Variants in MAP3K5 observed in about 807,000 individuals in gnomAD.
MAP3K5 encodes the protein mitogen-activated protein kinase kinase kinase 5, also known as ASK-1.
Under a neutral mutation model 158.7 loss-of-function variants are expected in MAP3K5, and 56 were observed. That is an observed-to-expected ratio of 0.35 (90% confidence interval 0.28 to 0.44). The LOEUF is 0.44. Ranked by LOEUF, MAP3K5 falls within the 20% of genes least tolerant of loss-of-function variation. The pLI is 1.00. For synonymous variants in MAP3K5, 579 were observed against 601.7 expected (o/e 0.96, Z 0.55); for missense variants, 1,294 against 1,674.8 (o/e 0.77, Z 3.97).
At chr6:136,710,243 A>T (rs1175537552) in intron 2 of MAP3K5, among the ~76,000 whole-genome samples, 1 of 152,228 alleles carries the variant, frequency 6.6e-6, no homozygotes, top group African/African-American at 2.4e-5. Flanking sequence ...TAACTGCTCT[A>T]TTTCACATCA....
chr6:136,741,175 AAATAT>A (rs776334514), intron 1 of MAP3K5, among the ~76,000 whole-genome samples: 131 of 152,318 alleles, frequency 8.6e-4, no homozygotes, highest in African/African-American at 2.6e-3. Context: ...CAACCCTCAA[AAATAT>A]AATATATTTA....
chr6:136,619,572 T>C (rs1195176963), intron 15 of MAP3K5, among the ~76,000 whole-genome samples: 2 of 152,180 alleles, frequency 1.3e-5, no homozygotes. Context: ...TTGTTACAAC[T>C]GATGGACCTT....
intron 7 of MAP3K5, among the ~76,000 whole-genome samples, chr6:136,673,000 A>AAAAAAG: frequency 6.6e-6 from 1 of 151,470 alleles, no homozygotes; most frequent in Non-Finnish European, 1.5e-5. Flanking sequence ...AAAAAAAAAA[A>AAAAAAG]AAAAAGAAAA....
Position 136,792,241 on chromosome 6 carries a change from C to T in MAP3K5, c.-84G>A, listed in dbSNP as rs1159090347. 10 of 1,376,518 alleles carry T rather than the reference C, an allele frequency of 7.3e-6. No individual in the cohort carries two copies. The East Asian group carries it at 3.1e-4, about 42-fold the overall frequency. The allele number at this position is 1,376,518 out of a possible 1,614,324, so 85.3% of individuals were successfully genotyped here. A position where few individuals can be genotyped will look rare whatever the true frequency, so the allele number is the denominator to read the frequency against. ...AGCCACAGCTCGGGGCTGCTCCGCG[C>T]CCGCCGGGCTAAGCAGCTGCCATCG... On this transcript the variant is annotated 5_prime_UTR_variant, in exon 1 of 30. Transcript: ENST00000359015. This position sits in a 1 kb window ranked among gnomAD's most constrained non-coding sequence, Gnocchi z 5.7.
chr6:136,597,969 G>A (rs970571589), intron 21 of MAP3K5, among the ~76,000 whole-genome samples: 1 of 152,178 alleles, frequency 6.6e-6, no homozygotes, highest in Admixed American at 6.5e-5. Context: ...ATTGGACAGG[G>A]CAGATAAATG....
At chr6:136,715,127 C>A (rs1781465733) in intron 2 of MAP3K5, among the ~76,000 whole-genome samples, 1 of 152,198 alleles carries the variant, frequency 6.6e-6, no homozygotes, top group African/African-American at 2.4e-5. Flanking sequence ...TCACCACTAA[C>A]TGATGTGCCT....
intron 21 of MAP3K5, among the ~76,000 whole-genome samples, chr6:136,597,768 A>G (rs1372773054): frequency 6.6e-6 from 1 of 152,250 alleles, no homozygotes; most frequent in Non-Finnish European, 1.5e-5. Flanking sequence ...AATGTTATGG[A>G]ATAAATCTTA....
intron 21 of MAP3K5, among the ~76,000 whole-genome samples, chr6:136,594,959 C>T (rs1023269651): frequency 2.0e-5 from 3 of 152,110 alleles, no homozygotes; most frequent in Admixed American, 6.5e-5. Flanking sequence ...TTTAACGTTG[C>T]TGTGACTACC....
chr6:136,575,304 G>T (rs1423669715), intron 25 of MAP3K5, among the ~76,000 whole-genome samples: 4 of 151,698 alleles, frequency 2.6e-5, no homozygotes, highest in Non-Finnish European at 5.9e-5. Context: ...CAGGACCACA[G>T]GCACATGCTG....
chr6:136,764,402 T>C (rs1351002436), intron 1 of MAP3K5, among the ~76,000 whole-genome samples: 3 of 152,158 alleles, frequency 2.0e-5, no homozygotes, highest in Non-Finnish European at 4.4e-5. Context: ...AGAACACAGA[T>C]ACCATGAGAG....
chr6:136,590,881 G>A (rs982764888), intron 23 of MAP3K5, among the ~76,000 whole-genome samples: 3 of 152,124 alleles, frequency 2.0e-5, no homozygotes, highest in Admixed American at 1.3e-4. Context: ...CTTACCTGGG[G>A]TACTCTGGTG....
chr6:136,639,029 C>A (rs1562568860), intron 13 of MAP3K5, among the ~76,000 whole-genome samples: 1 of 152,148 alleles, frequency 6.6e-6, no homozygotes, highest in East Asian at 1.9e-4. Context: ...TTTGGATGAT[C>A]TCTTTTATTG....
chr6:136,668,002 C>T (rs1268022815), intron 8 of MAP3K5, among the ~76,000 whole-genome samples: 1 of 152,074 alleles, frequency 6.6e-6, no homozygotes, highest in South Asian at 2.1e-4. Context: ...TTCTCCAGAA[C>T]ATTACATAAA....
At chr6:136,566,782 A>T (rs1344494692) in intron 26 of MAP3K5, among the ~76,000 whole-genome samples, 1 of 152,196 alleles carries the variant, frequency 6.6e-6, no homozygotes, top group Non-Finnish European at 1.5e-5. Flanking sequence ...TACCACTTGT[A>T]CTCATTTTGG....
chr6:136,660,279 C>T (rs1298576718), intron 8 of MAP3K5, among the ~76,000 whole-genome samples: 3 of 152,018 alleles, frequency 2.0e-5, no homozygotes, highest in East Asian at 1.9e-4. Context: ...ATGCCTGACA[C>T]GGTGGCTCAC....
At chr6:136,630,532 A>C (rs1042879211) in intron 14 of MAP3K5, among the ~76,000 whole-genome samples, 4 of 152,222 alleles carry the variant, frequency 2.6e-5, no homozygotes, top group African/African-American at 9.6e-5. Context: ...AAAAAACCTT[A>C]TCTAAATTTC....
At chr6:136,615,810 T>C (rs998360923) in intron 15 of MAP3K5, among the ~76,000 whole-genome samples, 1 of 152,204 alleles carries the variant, frequency 6.6e-6, no homozygotes, top group Admixed American at 6.5e-5. Context: ...ACCTGGTGTC[T>C]CACACTTGCT....
intron 1 of MAP3K5, among the ~76,000 whole-genome samples, chr6:136,780,364 A>G (rs1784566391): frequency 6.6e-6 from 1 of 152,190 alleles, no homozygotes. Context: ...AATATTAACC[A>G]ACTTTGCATC....
At chr6:136,741,763 A>G (rs1426402508) in intron 1 of MAP3K5, among the ~76,000 whole-genome samples, 1 of 152,092 alleles carries the variant, frequency 6.6e-6, no homozygotes, top group Non-Finnish European at 1.5e-5. Flanking sequence ...AATAACAAAA[A>G]CCCTCCTAGA....
Sources: gnomAD v4.1 joint callset for allele counts (sites outside exome capture counted in the v4.1 genomes callset) on GRCh38, gnomAD v4.1.1 for gene constraint, Gnocchi (gnomAD v3.1) non-coding constraint, MANE v1.5 for transcripts, NCBI Gene and HGNC (gene_info 2026-07-23, HGNC 2026-07-21) for gene names.